Variants in ANKRD13C observed in about 807,000 individuals in gnomAD.
ANKRD13C encodes ankyrin repeat domain 13C, also known as ankyrin repeat domain-containing protein 13C.
Under a neutral mutation model 65.5 loss-of-function variants are expected in ANKRD13C, and 16 were observed. The observed-to-expected ratio is 0.24, with a 90% CI of 0.17 to 0.37. The LOEUF (loss-of-function observed/expected upper bound fraction) is 0.37. Among genes scored for constraint, ANKRD13C ranks in the 10% least tolerant of loss-of-function variants. The pLI is 1.00. For synonymous variants in ANKRD13C, 235 were observed against 238.7 expected, an observed-to-expected ratio of 0.98 and a Z score of 0.14; for missense variants, 503 against 655.9, an observed-to-expected ratio of 0.77 and a Z score of 2.55.
At chr1:70,346,858 C>T (rs575130543) in intron 1 of ANKRD13C, among the ~76,000 whole-genome samples, 43 of 152,048 alleles carry the variant, frequency 2.8e-4, no homozygotes, top group African/African-American at 1.0e-3. Context: ...TTGGGAGGTC[C>T]AGGCGGGTGG....
intron 2 of ANKRD13C, among the ~76,000 whole-genome samples, chr1:70,325,253 T>C (rs1681484631): frequency 6.6e-6 from 1 of 152,148 alleles, no homozygotes. Flanking sequence ...GTTTTCATAC[T>C]CTAAAAGATA....
At chr1:70,334,330 A>G (rs1157513373) in intron 2 of ANKRD13C, among the ~76,000 whole-genome samples, 1 of 152,206 alleles carries the variant, frequency 6.6e-6, no homozygotes, top group African/African-American at 2.4e-5. Context: ...TGTCTCTAAA[A>G]TAAAAATTAT....
At chr1:70,331,133 G>A (rs1290225820) in intron 2 of ANKRD13C, among the ~76,000 whole-genome samples, 1 of 152,184 alleles carries the variant, frequency 6.6e-6, no homozygotes, top group Non-Finnish European at 1.5e-5. Context: ...ATTTTGTTGT[G>A]TTTATAGACA....
intron 1 of ANKRD13C, among the ~76,000 whole-genome samples, chr1:70,339,246 T>A (rs1682195893): frequency 6.7e-6 from 1 of 150,152 alleles, no homozygotes. Context: ...TGTCGACAAT[T>A]TGGTGCTAGA....
intron 6 of ANKRD13C, chr1:70,305,594 A>C (rs1203714856): frequency 6.6e-6 from 1 of 152,140 alleles, no homozygotes; most frequent in African/African-American, 2.4e-5. Context: ...ATACTTTACA[A>C]ATAGATAATT....
At chr1:70,341,515 C>T (rs36115283) in intron 1 of ANKRD13C, among the ~76,000 whole-genome samples, 1,783 of 152,130 alleles carry the variant, frequency 0.012, 25 homozygotes, top group African/African-American at 0.041. Context: ...GCATGTGCCA[C>T]CACACCAGCT....
chr1:70,275,400 G>A (rs1450800867), intron 10 of ANKRD13C, among the ~76,000 whole-genome samples: 1 of 151,886 alleles, frequency 6.6e-6, no homozygotes, highest in Non-Finnish European at 1.5e-5. Context: ...AAGTGGAAAC[G>A]GTGGGGAAAA....
chr1:70,314,363 C>T (rs759218317), intron 4 of ANKRD13C, among the ~76,000 whole-genome samples: 18 of 151,668 alleles, frequency 1.2e-4, no homozygotes, highest in Non-Finnish European at 2.1e-4. Flanking sequence ...GGACTACAGG[C>T]GCCTGCCACC....
chr1:70,316,335 C>A (rs1424709600), intron 3 of ANKRD13C, among the ~76,000 whole-genome samples: 1 of 152,118 alleles, frequency 6.6e-6, no homozygotes, highest in Non-Finnish European at 1.5e-5. Flanking sequence ...TAAACTTGGA[C>A]AAGTTACTAC....
intron 2 of ANKRD13C, among the ~76,000 whole-genome samples, chr1:70,335,413 A>T (rs1045797284): frequency 2.6e-5 from 4 of 151,832 alleles, no homozygotes; most frequent in African/African-American, 9.7e-5. Flanking sequence ...CTCAAAAAAA[A>T]AAAAAAGAAA....
At chr1:70,308,738 CAAAA>C (rs781171233) in intron 5 of ANKRD13C, among the ~76,000 whole-genome samples, 3 of 74,184 alleles carry the variant, frequency 4.0e-5, no homozygotes, top group Admixed American at 2.9e-4. Context: ...GACTCCGTCT[CAAAA>C]AAAAAAAAAA....
chr1:70,281,217 G>T (rs376275729), intron 9 of ANKRD13C, among the ~76,000 whole-genome samples: 3 of 152,006 alleles, frequency 2.0e-5, no homozygotes, highest in African/African-American at 7.2e-5. Context: ...ACAGTTACCA[G>T]TGTTTATGTA....
intron 7 of ANKRD13C, among the ~76,000 whole-genome samples, chr1:70,298,966 G>C (rs896410845): frequency 6.6e-6 from 1 of 152,038 alleles, no homozygotes; most frequent in Non-Finnish European, 1.5e-5. Flanking sequence ...TGCTGTATTA[G>C]ATAACAGGGA....
At chr1:70,323,424 C>T (rs2101530053) in intron 3 of ANKRD13C, among the ~76,000 whole-genome samples, 1 of 152,124 alleles carries the variant, frequency 6.6e-6, no homozygotes, top group South Asian at 2.1e-4. Context: ...GTGGGCGGAT[C>T]ACGTGGTCAG....
At chr1:70,301,822 G>A (rs1680367869) in intron 6 of ANKRD13C, among the ~76,000 whole-genome samples, 1 of 152,194 alleles carries the variant, frequency 6.6e-6, no homozygotes, top group South Asian at 2.1e-4. Context: ...ACGTGCTTCA[G>A]TCTTGCACAT....
rs193270509 is a variant in ANKRD13C at position 70,259,116 on chromosome 1, C to A, written c.*3601G>T. On this transcript the variant is annotated 3_prime_UTR_variant, in exon 13 of 13. Transcript: ENST00000370944. ...CAATGACAAAATCACCTGATGCATT[C>A]CACAGAACATGTACCCATCATTAAG... 5.2e-3 allele frequency among the ~76,000 whole-genome samples: 787 copies of A among 152,190 alleles called. 10 individuals carry two copies. Among genetic ancestry groups the A allele is most frequent in the African/African-American group, 0.018 (761 of 41,524 alleles).
At chr1:70,270,613 T>C (rs1220149655) in intron 12 of ANKRD13C, among the ~76,000 whole-genome samples, 2 of 152,096 alleles carry the variant, frequency 1.3e-5, no homozygotes, top group East Asian at 1.9e-4. Flanking sequence ...AAGTTCACAA[T>C]AGGGTTCATG....
In ANKRD13C at chr1:70,282,245, C is replaced by T. The variant is rs368046800; in HGVS notation, c.1216-5401G>A. The stretch of plus-strand genomic sequence containing the variant: ...AATTTTTTGTATTTTTTAGTAGGGA[C>T]GGGGTTTCACCATGTTAGCCAGGCT... On this transcript the variant is annotated intron_variant, in intron 9 of 12. Coordinates refer to ENST00000370944, the MANE Select transcript of ANKRD13C (RefSeq NM_030816.5). 5.4e-3 allele frequency among the ~76,000 whole-genome samples: 812 copies of T among 151,280 alleles called. 8 individuals carry two copies. The highest frequency in any genetic ancestry group is 0.019 in the African/African-American group (778 of 41,234).
chr1:70,343,375 G>A (rs1682392043), intron 1 of ANKRD13C, among the ~76,000 whole-genome samples: 1 of 152,140 alleles, frequency 6.6e-6, no homozygotes, highest in African/African-American at 2.4e-5. Context: ...TGCTGCTTAA[G>A]CTAATTTATT....
Sources: gnomAD v4.1 joint callset for allele counts (sites outside exome capture counted in the v4.1 genomes callset) on GRCh38, gnomAD v4.1.1 for gene constraint, MANE v1.5 for transcripts, NCBI Gene and HGNC (gene_info 2026-07-23, HGNC 2026-07-21) for gene names.